The following NLRP1 variants were observed in gnomAD, a reference collection of about 807,000 sequenced individuals.
The protein encoded by NLRP1 is NLR family pyrin domain containing 1, also known as NACHT, LRR and PYD domains-containing protein 1.
A neutral mutation model predicts 136.7 loss-of-function variants in NLRP1; 94 were observed. The ratio of observed to expected loss-of-function variants is 0.69; its 90% CI spans 0.58 to 0.82. The LOEUF (loss-of-function observed/expected upper bound fraction) is 0.82. Ranked by LOEUF, NLRP1 falls within the 40% of genes least tolerant of loss-of-function variation. NLRP1 has a pLI of 0.00. For missense variants in NLRP1, 1,575 were observed against 1,802.7 expected (o/e 0.87, Z 2.29); for synonymous variants, 690 against 725.1 (o/e 0.95, Z 0.78).
rs1567675884 is a variant in NLRP1 at position 5,583,576 on chromosome 17, G to T, written c.271+111C>A. ...TTTGAGAGGGCAGTTCCATGTCACT[G>T]CTCAGAGGAAGGCCTGGCAGGGAGG... On this transcript the variant is annotated intron_variant, in intron 1 of 16. Transcript: ENST00000572272. The surrounding 1 kb of genome is among the most constrained non-coding windows in gnomAD (Gnocchi z 4.5). 2 of 1,153,748 alleles carry T rather than the reference G, an allele frequency of 1.7e-6. No homozygotes were observed. The allele number at this position is 1,153,748 out of a possible 1,614,324, so 71.5% of individuals were successfully genotyped here.
Position 5,581,936 on chromosome 17 carries a change from G to A in NLRP1, c.575C>T (p.Pro192Leu). ...CTCCTGCTCTCTGGGTGCTAGGCTG[G>A]GCTGAGGTGGGGATCCCCAGCTCCC... is the stretch of plus-strand genomic sequence containing the variant. ...VLGSWGSPPQ[P>L]SLAPREQEAP... is the part of the protein sequence containing the mutation. Residue 192 changes from proline to leucine, a missense_variant, in exon 3 of 17, where the codon CCC (proline) becomes CTC (leucine). By Grantham distance (98) the Pro-to-Leu change is moderately conservative. Transcript: ENST00000572272. The A allele has an allele frequency of 6.2e-7, 1 of 1,613,942 alleles. No homozygotes were observed. Among genetic ancestry groups the A allele is most frequent in the Non-Finnish European group, 8.5e-7 (1 of 1,179,934 alleles).
At chr17:5,546,745 G>A (rs748626291) in intron 5 of NLRP1, among the ~76,000 whole-genome samples, 13 of 152,316 alleles carry the variant, frequency 8.5e-5, no homozygotes, top group South Asian at 6.2e-4. Context: ...TATCAGGGGC[G>A]AGGAGGGGGA....
At chr17:5,529,493 G>A (rs1173387236) in intron 12 of NLRP1, among the ~76,000 whole-genome samples, 17 of 151,394 alleles carry the variant, frequency 1.1e-4, no homozygotes, top group Admixed American at 3.9e-4. Flanking sequence ...TCAGCCTTCC[G>A]AGTAGCTGGG....
intron 3 of NLRP1, among the ~76,000 whole-genome samples, chr17:5,580,689 C>T (rs1905541478): frequency 6.6e-6 from 1 of 152,052 alleles, no homozygotes; most frequent in Non-Finnish European, 1.5e-5. Context: ...CTATAGATGG[C>T]TCTGATATGT....
chr17:5,535,921 TGGTGGTGGTGAG>T (rs1910990335), intron 8 of NLRP1, among the ~76,000 whole-genome samples: 1 of 151,966 alleles, frequency 6.6e-6, no homozygotes, highest in African/African-American at 2.4e-5. Context: ...GTGTGTGTGG[TGGTGGTGGTGAG>T]GGTGGTGGGT....
At chr17:5,523,600 C>T (rs1909173543) in intron 12 of NLRP1, among the ~76,000 whole-genome samples, 1 of 152,262 alleles carries the variant, frequency 6.6e-6, no homozygotes, top group Non-Finnish European at 1.5e-5. Context: ...CAGCGCCAGG[C>T]AAGGACATTG....
chr17:5,501,722 A>C, exon 16 of NLRP1: 1 of 1,021,526 alleles, frequency 9.8e-7, no homozygotes, highest in South Asian at 1.3e-5. Context: ...ACCTAAGCCC[A>C]TTTCTCAGAC....
intron 12 of NLRP1, among the ~76,000 whole-genome samples, chr17:5,528,367 C>T (rs1909821536): frequency 1.3e-5 from 2 of 152,334 alleles, no homozygotes; most frequent in African/African-American, 4.8e-5. Context: ...TCTAAATGGA[C>T]CTCTACAATT....
In NLRP1 at chr17:5,532,836, T is replaced by C; in HGVS notation, c.3282A>G (p.Glu1094=). ...CCCTCACTCACCGGTACAAGTTCTT[T>C]TCTTTGTCAACTACCTCAGTAGCCA... ...GPVATEVVDK[E]KNLYRVHFPV... is the part of the protein sequence containing the mutation. Residue 1094 remains glutamate (E), a synonymous_variant, in exon 11 of 17, where the codon GAA becomes GAG. Coordinates refer to ENST00000572272, the MANE Select transcript of NLRP1 (RefSeq NM_033004.4). 1 of 1,605,086 alleles carries C rather than the reference T, an allele frequency of 6.2e-7. No homozygotes were observed. Among genetic ancestry groups the C allele is most frequent in the Non-Finnish European group, 8.5e-7 (1 of 1,176,768 alleles).
chr17:5,527,278 A>T (rs1448592712), intron 12 of NLRP1, among the ~76,000 whole-genome samples: 3 of 152,246 alleles, frequency 2.0e-5, no homozygotes, highest in African/African-American at 7.2e-5. Context: ...AGAAAGTCTC[A>T]TAATGTTTTA....
rs763611997 is a variant in NLRP1, at chr17:5,558,610, G to A, written c.2086C>T (p.Gln696Ter). The change falls in exon 4 of 17, where the codon CAG becomes TAG. Residue 696 changes from glutamine to a stop codon, truncating the protein, a stop_gained. Coordinates refer to ENST00000572272, the MANE Select transcript of NLRP1 (RefSeq NM_033004.4). LOFTEE classifies it high-confidence loss of function. ...MENIFHCRLSQGRNLMQWVPS... is the reference protein window; with the variant it reads ...MENIFHCRLS ...ACCCACTGCATCAGGTTCCTCCCCT[G>A]AGACAGCCGGCAGTGAAAGATGTTC... is the stretch of plus-strand genomic sequence containing the variant. The A allele has an allele frequency of 5.6e-6, 9 of 1,613,988 alleles. No individual in the cohort carries two copies. In the African/African-American group the frequency reaches 1.2e-4, roughly 22 times the overall value.
chr17:5,507,774 T>C (rs980682351), intron 15 of NLRP1, among the ~76,000 whole-genome samples: 2 of 151,844 alleles, frequency 1.3e-5, no homozygotes, highest in African/African-American at 4.8e-5. Flanking sequence ...GGGGTTGTAG[T>C]GAGCCGAGAT....
chr17:5,533,902 C>A lies in NLRP1; in HGVS notation c.3047G>T (p.Gly1016Val), dbSNP rs1284466715. ...GCCTTGCCCCTTCAAACTACCTGAT[C>A]CGAGTCTCTGCCGCTTGAGTGAGGA... ...STSSLKRQRL[G>V]SERAASHVAQ... is the part of the protein sequence containing the mutation. Residue 1016 changes from glycine to valine, a missense_variant, in exon 9 of 17, where the codon GGA (glycine) becomes GTA (valine). Transcript: ENST00000572272. 6.2e-7 allele frequency: 1 copy of A among 1,608,370 alleles called. No individual in the cohort carries two copies. The highest frequency in any genetic ancestry group is 8.5e-7 in the Non-Finnish European group (1 of 1,175,970).
rs2151766710 is a variant in NLRP1 at position 5,537,240 on chromosome 17, T to C, written c.2871-300A>G. On this transcript the variant is annotated intron_variant, in intron 7 of 16. Transcript: ENST00000572272. The surrounding 1 kb of genome is among the most constrained non-coding windows in gnomAD (Gnocchi z 4.5). ...TTAGAGCTGTTTAAAGGAGTTGGGTTGAGGGGCTGGGCCTTTCTACCCCAA... is the reference window on the plus strand; with the variant it reads ...TTAGAGCTGTTTAAAGGAGTTGGGTCGAGGGGCTGGGCCTTTCTACCCCAA... Among the ~76,000 whole-genome samples, 1 of 152,188 alleles carries C rather than the reference T, an allele frequency of 6.6e-6. No homozygotes were observed. Among genetic ancestry groups the C allele is most frequent in the East Asian group, 1.9e-4 (1 of 5,196 alleles).
intron 4 of NLRP1, among the ~76,000 whole-genome samples, chr17:5,558,088 G>C (rs577247376): frequency 2.7e-4 from 41 of 152,242 alleles, no homozygotes; most frequent in African/African-American, 9.6e-4. Context: ...AGGAGGAGAG[G>C]TGGCAGACAC....
intron 4 of NLRP1, among the ~76,000 whole-genome samples, chr17:5,556,468 CAA>C (rs35427956): frequency 6.9e-5 from 9 of 129,516 alleles, no homozygotes; most frequent in Non-Finnish European, 8.1e-5. Context: ...AACAACAAAC[CAA>C]AAAAAAAAAA....
intron 3 of NLRP1, among the ~76,000 whole-genome samples, chr17:5,564,716 GATTGCTCA>G (rs1915130292): frequency 1.4e-5 from 2 of 144,998 alleles, no homozygotes; most frequent in Non-Finnish European, 3.0e-5. Context: ...CCTGCAGTGA[GATTGCTCA>G]ATTTTTAGTG....
rs200967626 is a variant in NLRP1, at chr17:5,532,960, G to A, written c.3158C>T (p.Pro1053Leu). 134 of 1,613,418 alleles carry A rather than the reference G, an allele frequency of 8.3e-5. No homozygotes were observed. Among genetic ancestry groups the A allele is most frequent in the South Asian group, 3.8e-4 (35 of 90,998 alleles). ...IAEESSPEVV[P>L]VELLCVPSPA... is the part of the protein sequence containing the mutation. ...AGAAGGCACGCACAAGAGTTCCACC[G>A]GTACTACCTCTGGGGAGCTTTCCTC... Residue 1053 changes from proline to leucine, a missense_variant, in exon 11 of 17, where the codon CCG becomes CTG. Pro to Leu is a moderately conservative substitution (Grantham distance 98). Transcript: ENST00000572272.
At chr17:5,574,328 T>C (rs1270856209) in intron 3 of NLRP1, among the ~76,000 whole-genome samples, 1 of 152,178 alleles carries the variant, frequency 6.6e-6, no homozygotes, top group Non-Finnish European at 1.5e-5. Flanking sequence ...AATCTACATC[T>C]GATTGGTGTA....
Sources: allele counts gnomAD v4.1 joint callset (sites outside exome capture counted in the v4.1 genomes callset), GRCh38; gene constraint gnomAD v4.1.1; non-coding constraint Gnocchi (gnomAD v3.1); transcripts MANE v1.5; gene names NCBI Gene and HGNC (gene_info 2026-07-23, HGNC 2026-07-21).